Variants in KIAA1217 observed in about 807,000 individuals in gnomAD.
KIAA1217 encodes the protein KIAA1217.
In KIAA1217, 88 loss-of-function variants were observed where a neutral mutation model predicts 163.9. The ratio of observed to expected loss-of-function variants is 0.54; its 90% CI spans 0.45 to 0.64. The LOEUF (loss-of-function observed/expected upper bound fraction) is 0.64, where lower values mean the gene tolerates loss of function less well. Among genes scored for constraint, KIAA1217 ranks in the 30% least tolerant of loss-of-function variants. The pLI, the probability that KIAA1217 is intolerant of heterozygous loss-of-function variation, is 0.00. For missense variants in KIAA1217, 2,372 were observed against 2,475.0 expected (o/e 0.96, Z 0.88); for synonymous variants, 903 against 923.1 (o/e 0.98, Z 0.39).
intron 2 of KIAA1217, among the ~76,000 whole-genome samples, chr10:24,232,246 C>G (rs2071513363): frequency 6.6e-6 from 1 of 152,154 alleles, no homozygotes; most frequent in Non-Finnish European, 1.5e-5. Flanking sequence ...AATTGACGTA[C>G]AGTTGACGTT....
At chr10:23,767,559 G>C (rs1380511840) in intron 1 of KIAA1217, among the ~76,000 whole-genome samples, 1 of 152,082 alleles carries the variant, frequency 6.6e-6, no homozygotes, top group African/African-American at 2.4e-5. Context: ...AACATAGTGA[G>C]AGCCCATCTC....
intron 5 of KIAA1217, among the ~76,000 whole-genome samples, chr10:24,452,389 G>A (rs2061440200): frequency 6.6e-6 from 1 of 151,956 alleles, no homozygotes; most frequent in Non-Finnish European, 1.5e-5. Flanking sequence ...GAATGAATGA[G>A]ACGGCCGGGC....
intron 1 of KIAA1217, among the ~76,000 whole-genome samples, chr10:23,924,894 G>T (rs903939959): frequency 2.0e-4 from 31 of 151,644 alleles, no homozygotes; most frequent in African/African-American, 7.5e-4. Flanking sequence ...AAAAAATAAT[G>T]AATTTAGAAA....
At chr10:23,802,238 G>T (rs566438362) in intron 1 of KIAA1217, among the ~76,000 whole-genome samples, 3 of 152,276 alleles carry the variant, frequency 2.0e-5, no homozygotes, top group Admixed American at 1.3e-4. Flanking sequence ...TAAGTGAGTG[G>T]TCACTCTCAC....
At chr10:24,232,059 T>C (rs983608597) in intron 2 of KIAA1217, among the ~76,000 whole-genome samples, 4 of 152,144 alleles carry the variant, frequency 2.6e-5, no homozygotes, top group South Asian at 2.1e-4. Context: ...ATTCCCAAAG[T>C]GTTGGGATTA....
intron 5 of KIAA1217, among the ~76,000 whole-genome samples, chr10:24,439,649 T>G (rs1004714747): frequency 7.1e-6 from 1 of 140,736 alleles, no homozygotes; most frequent in African/African-American, 2.9e-5. Flanking sequence ...GAGAATCTTT[T>G]CTTTTTTTTT....
intron 2 of KIAA1217, among the ~76,000 whole-genome samples, chr10:24,359,161 C>T (rs1050387044): frequency 6.8e-6 from 1 of 146,188 alleles, no homozygotes; most frequent in Non-Finnish European, 1.5e-5. Flanking sequence ...GCTATCTTGG[C>T]TCACTGCAAC....
intron 6 of KIAA1217, among the ~76,000 whole-genome samples, 157 bp downstream of exon 6, chr10:24,474,217 A>AC (rs769645218): frequency 3.3e-5 from 5 of 152,174 alleles, no homozygotes; most frequent in Non-Finnish European, 5.9e-5. Context: ...TGTCAAAGCC[A>AC]CCATTGTCTG....
At chr10:23,704,168 G>GTATATA (rs1346283849) in intron 1 of KIAA1217, among the ~76,000 whole-genome samples, 5 of 63,302 alleles carry the variant, frequency 7.9e-5, no homozygotes, top group African/African-American at 2.1e-4. Flanking sequence ...GTGTGTGTGT[G>GTATATA]TGTGTATATA....
At chr10:23,735,852 A>G (rs1838766828) in intron 1 of KIAA1217, among the ~76,000 whole-genome samples, 1 of 152,242 alleles carries the variant, frequency 6.6e-6, no homozygotes, top group Non-Finnish European at 1.5e-5. Context: ...ACATATAGAC[A>G]TATGAAACAA....
chr10:23,926,031 C>T (rs1054220305), intron 1 of KIAA1217, among the ~76,000 whole-genome samples: 2 of 152,152 alleles, frequency 1.3e-5, no homozygotes, highest in Admixed American at 6.5e-5. Context: ...CTGTGGTCCT[C>T]GATCCAGGCA....
At position 24,209,253 on chromosome 10, in the gene KIAA1217, A is replaced by G; in HGVS notation, c.60A>G (p.Arg20=). 6.2e-7 allele frequency: 1 copy of G among 1,613,368 alleles called. No homozygotes were observed. The highest frequency in any genetic ancestry group is 1.7e-4 in the Middle Eastern group (1 of 6,058). The change falls in exon 1 of 21, where the codon AGA becomes AGG. Residue 20 remains arginine, a synonymous_variant. Transcript: ENST00000376454. ...EPCLPYSADR[R]QMQEQGKGNL... is the part of the protein sequence containing the mutation. ...GCCTTCCTTACTCAGCAGACAGAAG[A>G]CAGATGCAGGGTAAGTAACAGACCC...
At chr10:24,138,594 G>A (rs2063926672) in intron 2 of KIAA1217, among the ~76,000 whole-genome samples, 3 of 145,088 alleles carry the variant, frequency 2.1e-5, no homozygotes, top group Admixed American at 6.8e-5. Context: ...TTATATAATC[G>A]ACTTAGTTAA....
At chr10:24,355,830 C>A (rs71493381) in intron 2 of KIAA1217, among the ~76,000 whole-genome samples, 40,883 of 142,218 alleles carry the variant, frequency 0.29, 6,466 homozygotes, top group South Asian at 0.46. Flanking sequence ...CTCACTGCAA[C>A]CTCCACCTCC....
intron 16 of KIAA1217, among the ~76,000 whole-genome samples, chr10:24,534,867 G>A (rs945667148): frequency 3.1e-5 from 4 of 127,824 alleles, no homozygotes; most frequent in South Asian, 2.8e-4. Context: ...GGTGACAAGA[G>A]TGAAACTCTG....
chr10:24,052,352 T>C (rs1849576805), intron 2 of KIAA1217, among the ~76,000 whole-genome samples: 2 of 152,252 alleles, frequency 1.3e-5, no homozygotes, highest in African/African-American at 4.8e-5. Context: ...CAAAATGATT[T>C]TCTGTTTCTG....
At chr10:23,949,581 AT>A (rs201392281) in intron 1 of KIAA1217, among the ~76,000 whole-genome samples, 2 of 152,016 alleles carry the variant, frequency 1.3e-5, no homozygotes. Context: ...AGACAGGAAC[AT>A]TTTTTTCTTT....
At chr10:23,733,574 G>T (rs1838604437) in intron 1 of KIAA1217, among the ~76,000 whole-genome samples, 1 of 151,872 alleles carries the variant, frequency 6.6e-6, no homozygotes, top group Non-Finnish European at 1.5e-5. Context: ...TATGTAAATA[G>T]TTGTTATGCT....
At chr10:24,475,174 G>A (rs1465442725) in intron 6 of KIAA1217, among the ~76,000 whole-genome samples, 4 of 152,048 alleles carry the variant, frequency 2.6e-5, no homozygotes, top group Non-Finnish European at 4.4e-5. Context: ...AGCCAAGATC[G>A]CACCATCACA....
Sources: allele counts gnomAD v4.1 joint callset (sites outside exome capture counted in the v4.1 genomes callset), GRCh38; gene constraint gnomAD v4.1.1; transcripts MANE v1.5; gene names NCBI Gene and HGNC (gene_info 2026-07-23, HGNC 2026-07-21).